DPP10: variants seen among roughly 807,000 people sequenced by gnomAD.
DPP10 encodes dipeptidyl peptidase like 10.
DPP10 carries 33 observed loss-of-function variants against 120.9 expected under a neutral mutation model. That is an observed-to-expected ratio of 0.27 (90% CI 0.21 to 0.37). The LOEUF (loss-of-function observed/expected upper bound fraction) is 0.37. DPP10 is among the 10% of genes least tolerant of loss of function. The pLI, the probability that DPP10 is intolerant of heterozygous loss-of-function variation, is 1.00. For missense variants in DPP10, 816 were observed against 942.8 expected, an observed-to-expected ratio of 0.87 and a Z score of 1.76; for synonymous variants, 337 against 326.1, an observed-to-expected ratio of 1.03 and a Z score of -0.36.
chr2:115,758,773 G>A (rs1679744303), intron 11 of DPP10, among the ~76,000 whole-genome samples: 1 of 152,110 alleles, frequency 6.6e-6, no homozygotes, highest in African/African-American at 2.4e-5. Context: ...AAATTGAATG[G>A]TTTGCAGAGA....
intron 1 of DPP10, among the ~76,000 whole-genome samples, chr2:115,021,573 G>C (rs1383543293): frequency 6.6e-6 from 1 of 152,002 alleles, no homozygotes; most frequent in Admixed American, 6.6e-5. Context: ...CAGCTGAATT[G>C]TATCAGACTT....
At chr2:115,527,450 A>T (rs1007238407) in intron 5 of DPP10, among the ~76,000 whole-genome samples, 1 of 152,172 alleles carries the variant, frequency 6.6e-6, no homozygotes, top group East Asian at 1.9e-4. Context: ...TTTAGAAAAA[A>T]ATGTTTGGGA....
chr2:114,924,988 A>G (rs540703726), intron 1 of DPP10, among the ~76,000 whole-genome samples: 2,518 of 152,006 alleles, frequency 0.017, 81 homozygotes, highest in African/African-American at 0.057. Flanking sequence ...GAGGGGGGCT[A>G]ATCACGAGGT....
chr2:114,526,841 A>G (rs1685541927), intron 1 of DPP10, among the ~76,000 whole-genome samples: 1 of 152,158 alleles, frequency 6.6e-6, no homozygotes. Flanking sequence ...GTTTCAACAT[A>G]TAAATTAGGG....
intron 1 of DPP10, among the ~76,000 whole-genome samples, chr2:114,815,234 T>A (rs762981657): frequency 1.3e-5 from 2 of 152,222 alleles, no homozygotes; most frequent in Non-Finnish European, 2.9e-5. Context: ...AAAAATATTC[T>A]ATTTTGGTAC....
chr2:114,954,702 A>G (rs1350325310), intron 1 of DPP10, among the ~76,000 whole-genome samples: 1 of 152,118 alleles, frequency 6.6e-6, no homozygotes, highest in African/African-American at 2.4e-5. Context: ...CCAAGTTGAT[A>G]TACCTTTAGC....
At chr2:114,831,497 G>A (rs969961091) in intron 1 of DPP10, among the ~76,000 whole-genome samples, 1 of 152,150 alleles carries the variant, frequency 6.6e-6, no homozygotes, top group Non-Finnish European at 1.5e-5. Context: ...GTCTTTTATG[G>A]CAAAGAAGAG....
intron 5 of DPP10, among the ~76,000 whole-genome samples, chr2:115,532,564 C>T (rs888805599): frequency 6.6e-5 from 10 of 151,972 alleles, no homozygotes; most frequent in Admixed American, 1.3e-4. Flanking sequence ...ATACTCAGTA[C>T]TTAATATACT....
intron 1 of DPP10, among the ~76,000 whole-genome samples, chr2:114,741,760 T>G (rs982204607): frequency 6.6e-6 from 1 of 152,038 alleles, no homozygotes; most frequent in Non-Finnish European, 1.5e-5. Context: ...CACATGAAGA[T>G]GGAGGCAGAT....
At chr2:114,824,311 T>G (rs1420150059) in intron 1 of DPP10, among the ~76,000 whole-genome samples, 1 of 152,228 alleles carries the variant, frequency 6.6e-6, no homozygotes, top group East Asian at 1.9e-4. Context: ...ATGTGACTGA[T>G]GATGAATTCC....
intron 2 of DPP10, among the ~76,000 whole-genome samples, chr2:115,332,260 C>T (rs1343456591): frequency 6.6e-6 from 1 of 152,200 alleles, no homozygotes; most frequent in East Asian, 1.9e-4. Context: ...TCTGTGGGAT[C>T]AGTGGTAATA....
intron 1 of DPP10, among the ~76,000 whole-genome samples, chr2:115,095,444 C>T (rs1167297384): frequency 1.3e-5 from 2 of 152,088 alleles, no homozygotes. Context: ...CTCTACTAAC[C>T]TGGCAGAACA....
intron 1 of DPP10, among the ~76,000 whole-genome samples, chr2:114,829,534 A>T (rs1255662687): frequency 2.9e-5 from 4 of 138,458 alleles, no homozygotes; most frequent in Non-Finnish European, 4.7e-5. Context: ...CACTCAGCTA[A>T]TTTTTTTTTT....
At chr2:115,312,626 C>G (rs1286210368) in intron 2 of DPP10, among the ~76,000 whole-genome samples, 1 of 152,088 alleles carries the variant, frequency 6.6e-6, no homozygotes, top group Non-Finnish European at 1.5e-5. Flanking sequence ...CTGCAGTGCT[C>G]CAACTGCACC....
intron 1 of DPP10, among the ~76,000 whole-genome samples, chr2:114,659,017 T>G (rs1477980228): frequency 6.6e-6 from 1 of 152,140 alleles, no homozygotes; most frequent in Non-Finnish European, 1.5e-5. Context: ...ACGTTTGACA[T>G]TTCCTCCTAC....
intron 3 of DPP10, among the ~76,000 whole-genome samples, chr2:115,368,190 C>T (rs931865073): frequency 4.6e-5 from 7 of 152,010 alleles, no homozygotes; most frequent in Admixed American, 2.6e-4. Flanking sequence ...GAAGAAAGGC[C>T]GAAATTATGA....
At chr2:115,577,982 T>A (rs535725254) in intron 5 of DPP10, among the ~76,000 whole-genome samples, 1 of 152,314 alleles carries the variant, frequency 6.6e-6, no homozygotes, top group Non-Finnish European at 1.5e-5. Flanking sequence ...AATTATTAAT[T>A]CCAGTTCAGT....
At chr2:115,834,814 C>T (rs548878005) in intron 21 of DPP10, among the ~76,000 whole-genome samples, 3 of 152,124 alleles carry the variant, frequency 2.0e-5, no homozygotes, top group East Asian at 1.9e-4. Flanking sequence ...AAGCCGGGCG[C>T]GGTGGCTCAC....
At chr2:114,933,394 C>CTA (rs1165670797) in intron 1 of DPP10, among the ~76,000 whole-genome samples, 6 of 152,150 alleles carry the variant, frequency 3.9e-5, no homozygotes, top group Non-Finnish European at 8.8e-5. Flanking sequence ...GCTACATGAG[C>CTA]CATCACCAGT....
Sources: allele counts gnomAD v4.1 joint callset (sites outside exome capture counted in the v4.1 genomes callset), GRCh38; gene constraint gnomAD v4.1.1; transcripts MANE v1.5; gene names NCBI Gene and HGNC (gene_info 2026-07-23, HGNC 2026-07-21).